The following STAT6 variants were observed in gnomAD, a reference collection of about 807,000 sequenced individuals.
The protein encoded by STAT6 is signal transducer and activator of transcription 6.
STAT6 carries 45 observed loss-of-function variants against 106.3 expected under a neutral mutation model. The observed-to-expected ratio is 0.42, with a 90% CI of 0.33 to 0.54. The LOEUF (loss-of-function observed/expected upper bound fraction) is 0.54. Ranked by LOEUF, STAT6 falls within the 20% of genes least tolerant of loss-of-function variation. STAT6 has a pLI of 0.06. For synonymous variants in STAT6, 413 were observed against 413.6 expected (o/e 1.00, Z 0.02); for missense variants, 797 against 1,062.2 (o/e 0.75, Z 3.47).
chr12:57,106,959 T>C, intron 4 of STAT6, 128 bp from the exon 5 acceptor site: 1 of 1,434,254 alleles, frequency 7.0e-7, no homozygotes, highest in Non-Finnish European at 9.4e-7. Context: ...CTTCCTGACC[T>C]TTTGGAATAT....
intron 12 of STAT6, 30 bp downstream of exon 12, chr12:57,102,799 T>C (rs1368874112): frequency 6.3e-7 from 1 of 1,580,912 alleles, no homozygotes. Flanking sequence ...ACCCTGCCCC[T>C]GTTCCCTCCA....
rs533409503 is a variant in STAT6 at position 57,096,371 on chromosome 12, G to A, written c.*201C>T. On this transcript the variant is annotated 3_prime_UTR_variant, in exon 22 of 22. Coordinates refer to ENST00000300134, the MANE Select transcript of STAT6 (RefSeq NM_003153.5). ...GTCAGTGCTGGAAGGAGGTGGGCAG[G>A]GGAATGATAGAAAGGAAGGAGTGGA... is the stretch of plus-strand genomic sequence containing the variant. 1.0e-4 allele frequency: 59 copies of A among 591,500 alleles called. No homozygotes were observed. In the East Asian group the frequency reaches 1.7e-3, roughly 17 times the overall value. 36.6% of individuals were successfully genotyped at this position (591,500 alleles called of 1,614,324 possible). A position where few individuals can be genotyped will look rare whatever the true frequency, so the allele number is the denominator to read the frequency against.
chr12:57,106,919 T>C (rs2034318405), intron 4 of STAT6, 88 bp from the exon 5 acceptor site: 1 of 1,567,326 alleles, frequency 6.4e-7, no homozygotes, highest in Non-Finnish European at 8.6e-7. Flanking sequence ...CAGATAGCGT[T>C]TTCTTGTTCC....
chr12:57,104,640 C>T, intron 10 of STAT6, 54 bp from the exon 11 acceptor site: 1 of 1,612,574 alleles, frequency 6.2e-7, no homozygotes, highest in Non-Finnish European at 8.5e-7. Context: ...AGAGACCGCT[C>T]CTCCTGGGCT....
chr12:57,108,069 T>G, intron 2 of STAT6, 94 bp downstream of exon 2: 1 of 828,892 alleles, frequency 1.2e-6, no homozygotes, highest in Non-Finnish European at 2.0e-6. Flanking sequence ...AGGTCTCAAG[T>G]TCTGAATCCA....
chr12:57,104,067 G>A (rs1269412809), intron 11 of STAT6: 4 of 204,722 alleles, frequency 2.0e-5, no homozygotes, highest in Admixed American at 5.4e-5. Flanking sequence ...TCAAATACCA[G>A]CTCCAACACT....
At chr12:57,105,679 G>A (rs953183903) in intron 7 of STAT6, 80 bp from the exon 8 acceptor site, 47 of 1,524,702 alleles carry the variant, frequency 3.1e-5, no homozygotes, top group Non-Finnish European at 4.1e-5. Flanking sequence ...TATACCCAGG[G>A]AGAAAGGCTA....
intron 13 of STAT6, among the ~76,000 whole-genome samples, chr12:57,101,320 C>T (rs2033915249): frequency 6.6e-6 from 1 of 151,124 alleles, no homozygotes; most frequent in African/African-American, 2.4e-5. Context: ...ATCTCTTGAC[C>T]TTGTGATCCG....
Position 57,107,396 on chromosome 12 carries a change from C to G in STAT6, c.256-82G>C, listed in dbSNP as rs1437643661. On this transcript the variant is annotated intron_variant, in intron 3 of 21. Transcript: ENST00000300134. Reference sequence around the variant, plus strand: ...CCTCCAATCCCCAGGCCTGCATTCACACATATACTATAAGGAAGCACAACT... The same window carrying G: ...CCTCCAATCCCCAGGCCTGCATTCAGACATATACTATAAGGAAGCACAACT... 3 of 1,407,262 alleles carry G rather than the reference C, an allele frequency of 2.1e-6. No homozygotes were observed. In the African/African-American group the frequency reaches 4.3e-5, roughly 20 times the overall value. The allele number at this position is 1,407,262 out of a possible 1,614,324, so 87.2% of individuals were successfully genotyped here. A position where few individuals can be genotyped will look rare whatever the true frequency, so the allele number is the denominator to read the frequency against.
At chr12:57,105,395 C>G in intron 8 of STAT6, 56 bp from the exon 9 acceptor site, 1 of 1,608,426 alleles carries the variant, frequency 6.2e-7, no homozygotes, top group Admixed American at 1.7e-5. Context: ...CTGGTGCCCT[C>G]CCCACAGCTC....
At chr12:57,104,426 G>A (rs371691771) in intron 11 of STAT6, 38 bp downstream of exon 11, 77 of 1,587,500 alleles carry the variant, frequency 4.9e-5, no homozygotes, top group Admixed American at 3.8e-4. Flanking sequence ...AGGAGGACTC[G>A]GGGTCCCAGA....
At position 57,096,988 on chromosome 12, in the gene STAT6, A is replaced by G. The variant is rs750192185; in HGVS notation, c.2226-10T>C. On this transcript the variant is annotated splice_polypyrimidine_tract_variant and intron_variant, in intron 20 of 21. Transcript: ENST00000300134. Reference sequence around the variant, plus strand: ...GCACGGCAGCAGGCCCCTGCCAGGAACCAGCAATGGAAATAAGGAGAGCGG... The same window carrying G: ...GCACGGCAGCAGGCCCCTGCCAGGAGCCAGCAATGGAAATAAGGAGAGCGG... 1.7e-5 allele frequency: 28 copies of G among 1,612,458 alleles called. No individual in the cohort carries two copies. The highest frequency in any genetic ancestry group is 3.3e-4 in the Middle Eastern group (2 of 6,050).
Position 57,098,918 on chromosome 12 carries a change from A to G in STAT6, c.1956-16T>C, listed in dbSNP as rs553935766. On this transcript the variant is annotated splice_polypyrimidine_tract_variant and intron_variant, in intron 17 of 21. Coordinates refer to ENST00000300134, the MANE Select transcript of STAT6 (RefSeq NM_003153.5). The stretch of plus-strand genomic sequence containing the variant: ...TGGTTGGTCCCTGGAGGAGGGAAGG[A>G]GGTACATGTGACTGACCAAGGGTTG... 1.2e-6 allele frequency: 2 copies of G among 1,613,462 alleles called. No individual in the cohort carries two copies. The highest frequency in any genetic ancestry group is 2.2e-5 in the South Asian group (2 of 91,060).
In STAT6 at chr12:57,100,701, AGAAAGAAAGAAAGAAAGAAAGAAAG is replaced by A. The variant is rs1592554085; in HGVS notation, c.1513-636_1513-612del. 8 of 37,774 alleles carry A rather than the reference AGAAAGAAAGAAAGAAAGAAAGAAAG, an allele frequency of 2.1e-4. No individual in the cohort carries two copies. The East Asian group carries it at 6.1e-3, about 29-fold the overall frequency. 2.3% of individuals were successfully genotyped at this position (37,774 alleles called of 1,614,324 possible). On this transcript the variant is annotated intron_variant, in intron 13 of 21. Coordinates refer to ENST00000300134, the MANE Select transcript of STAT6 (RefSeq NM_003153.5). ...GAAAGAAAGAAAGAAAGAAAGAAAG[AGAAAGAAAGAAAGAAAGAAAGAAAG>A]AAAGAAAGAAAGAAAGAAAGAAAAG...
chr12:57,106,164 C>G (rs375431347), intron 7 of STAT6, 27 bp downstream of exon 7: 15 of 1,612,448 alleles, frequency 9.3e-6, no homozygotes, highest in African/African-American at 4.0e-5. Flanking sequence ...CAGCTTGCCC[C>G]CTCTTCCCCA....
chr12:57,101,760 G>T (rs1223489709), intron 13 of STAT6, among the ~76,000 whole-genome samples: 3 of 151,198 alleles, frequency 2.0e-5, no homozygotes, highest in Non-Finnish European at 1.5e-5. Context: ...CACCTCCTGG[G>T]TTCAAGCAAT....
chr12:57,108,565 C>G (rs2034412612), intron 1 of STAT6, among the ~76,000 whole-genome samples: 1 of 152,196 alleles, frequency 6.6e-6, no homozygotes, highest in Non-Finnish European at 1.5e-5. Context: ...AGCGAGAGCT[C>G]TCTTAGAGTG....
In STAT6 at chr12:57,096,230, C is replaced by T. The variant is rs2136554571; in HGVS notation, c.*342G>A. On this transcript the variant is annotated 3_prime_UTR_variant, in exon 22 of 22. Coordinates refer to ENST00000300134, the MANE Select transcript of STAT6 (RefSeq NM_003153.5). ...CCCTAACCTGTGCTCTTACCCAGCCCCCCTCCTGCTCAGCCCCATCACCCT... is the reference window on the plus strand; with the variant it reads ...CCCTAACCTGTGCTCTTACCCAGCCTCCCTCCTGCTCAGCCCCATCACCCT... The T allele has an allele frequency of 1.6e-5, 4 of 247,350 alleles. No homozygotes were observed. The highest frequency in any genetic ancestry group is 3.1e-5 in the Non-Finnish European group (4 of 129,694). The allele number at this position is 247,350 out of a possible 1,614,324, so 15.3% of individuals were successfully genotyped here.
rs914227048 is a variant in STAT6, at chr12:57,097,003, A to G, written c.2226-25T>C. 4 of 1,610,246 alleles carry G rather than the reference A, an allele frequency of 2.5e-6. No individual in the cohort carries two copies. The African/African-American group carries it at 4.0e-5, about 16-fold the overall frequency. On this transcript the variant is annotated intron_variant, in intron 20 of 21. Transcript: ENST00000300134. ...CCTGCCAGGAACCAGCAATGGAAAT[A>G]AGGAGAGCGGGGCAAGGCCAGGAAA...
Sources: gnomAD v4.1 joint callset for allele counts (sites outside exome capture counted in the v4.1 genomes callset) on GRCh38, gnomAD v4.1.1 for gene constraint, MANE v1.5 for transcripts, NCBI Gene and HGNC (gene_info 2026-07-23, HGNC 2026-07-21) for gene names.